TRPC4: variants seen among roughly 807,000 people sequenced by gnomAD.
TRPC4 encodes the protein transient receptor potential cation channel subfamily C member 4, also known as short transient receptor potential channel 4.
TRPC4 carries 49 observed loss-of-function variants against 99.4 expected under a neutral mutation model. The observed-to-expected ratio is 0.49, with a 90% CI of 0.39 to 0.63. The LOEUF (loss-of-function observed/expected upper bound fraction) is 0.63, where lower values mean the gene tolerates loss of function less well. Ranked by LOEUF, TRPC4 falls within the 20% of genes least tolerant of loss-of-function variation. The pLI is 0.00. For missense variants in TRPC4, 898 were observed against 1,152.9 expected (o/e 0.78, Z 3.20); for synonymous variants, 454 against 425.9 (o/e 1.07, Z -0.81).
In TRPC4 at chr13:37,639,249, A is replaced by C. The variant is rs1346043894; in HGVS notation, c.2121+9T>G. On this transcript the variant is annotated intron_variant, in intron 9 of 10. Coordinates refer to ENST00000379705, the MANE Select transcript of TRPC4 (RefSeq NM_016179.4). The stretch of plus-strand genomic sequence containing the variant: ...GAAAATTTCAAGACATAGTACAAGG[A>C]CAACTTACTTGGTATTGGTGATGTC... 3 of 1,613,524 alleles carry C rather than the reference A, an allele frequency of 1.9e-6. No homozygotes were observed. The highest frequency in any genetic ancestry group is 1.7e-6 in the Non-Finnish European group (2 of 1,179,666).
At chr13:37,853,334 A>G (rs143042254) in intron 1 of TRPC4, among the ~76,000 whole-genome samples, 108 of 152,328 alleles carry the variant, frequency 7.1e-4, no homozygotes, top group African/African-American at 2.4e-3. Flanking sequence ...GAGAATTACT[A>G]CAGATCTTAT....
chr13:37,696,767 A>G (rs567669616), intron 3 of TRPC4, among the ~76,000 whole-genome samples: 1 of 152,324 alleles, frequency 6.6e-6, no homozygotes, highest in South Asian at 2.1e-4. Flanking sequence ...TTCTTCAGCA[A>G]TTCAAAAATA....
intron 3 of TRPC4, among the ~76,000 whole-genome samples, chr13:37,703,955 G>T (rs1954186092): frequency 1.3e-5 from 2 of 152,060 alleles, no homozygotes; most frequent in Non-Finnish European, 2.9e-5. Context: ...ACTGGAACAA[G>T]CCAAATGTCC....
intron 2 of TRPC4, among the ~76,000 whole-genome samples, chr13:37,779,521 G>A (rs1009208025): frequency 7.9e-5 from 12 of 151,658 alleles, no homozygotes; most frequent in African/African-American, 2.2e-4. Flanking sequence ...CTATTTATCT[G>A]GAAAGACCTG....
chr13:37,817,118 A>C (rs2139509457), intron 1 of TRPC4, among the ~76,000 whole-genome samples: 1 of 152,210 alleles, frequency 6.6e-6, no homozygotes, highest in East Asian at 1.9e-4. Context: ...TTTAACTAGA[A>C]AACTCCATAG....
At chr13:37,817,817 A>G (rs1957901416) in intron 1 of TRPC4, among the ~76,000 whole-genome samples, 1 of 152,080 alleles carries the variant, frequency 6.6e-6, no homozygotes, top group South Asian at 2.1e-4. Flanking sequence ...TGGCACTAGG[A>G]TAATAGGCTA....
chr13:37,678,061 A>G (rs1256321766), intron 4 of TRPC4, among the ~76,000 whole-genome samples: 1 of 152,170 alleles, frequency 6.6e-6, no homozygotes, highest in East Asian at 1.9e-4. Flanking sequence ...AAGAGTTAAA[A>G]ATATTTTGAA....
rs572026157 is a variant in TRPC4 at position 37,686,422 on chromosome 13, C to CGTGT, written c.1234+5573_1234+5576dup. On this transcript the variant is annotated intron_variant, in intron 4 of 10. Coordinates refer to ENST00000379705, the MANE Select transcript of TRPC4 (RefSeq NM_016179.4). ...AAAACCATAACTGGTTATACGTATA[C>CGTGT]GTGTGTGTGTGTGTGTGTATACACA... Among the ~76,000 whole-genome samples the CGTGT allele has an allele frequency of 4.8e-3, 710 of 149,128 alleles. 6 individuals carry two copies. The highest frequency in any genetic ancestry group is 0.016 in the African/African-American group (664 of 40,752).
chr13:37,782,919 A>G (rs750871365), intron 2 of TRPC4, 37 bp downstream of exon 2: 2 of 1,424,600 alleles, frequency 1.4e-6, no homozygotes, highest in South Asian at 1.8e-5. Context: ...AACCTTCTGC[A>G]GGTAAAATAA....
intron 1 of TRPC4, among the ~76,000 whole-genome samples, chr13:37,818,276 G>A (rs1593250495): frequency 6.6e-6 from 1 of 152,062 alleles, no homozygotes; most frequent in African/African-American, 2.4e-5. Flanking sequence ...AGTTAGAATG[G>A]CAATCATTAA....
intron 7 of TRPC4, among the ~76,000 whole-genome samples, chr13:37,652,186 G>A (rs549620031): frequency 1.3e-4 from 20 of 152,350 alleles, no homozygotes; most frequent in Admixed American, 3.9e-4. Context: ...GGGACAGCCA[G>A]TCTCTTCTTA....
chr13:37,792,005 T>C (rs1041530903), intron 1 of TRPC4, among the ~76,000 whole-genome samples: 1 of 152,174 alleles, frequency 6.6e-6, no homozygotes, highest in African/African-American at 2.4e-5. Context: ...AAATTCATTC[T>C]AGGCATAATA....
chr13:37,727,154 A>G (rs548345559), intron 3 of TRPC4, among the ~76,000 whole-genome samples: 24 of 152,230 alleles, frequency 1.6e-4, no homozygotes, highest in African/African-American at 5.8e-4. Flanking sequence ...TGAACATGGG[A>G]CATTTTCAGG....
At chr13:37,812,197 C>CAAAAAAAAAAAAAAAAAA (rs1156963631) in intron 1 of TRPC4, among the ~76,000 whole-genome samples, 33 of 111,198 alleles carry the variant, frequency 3.0e-4, no homozygotes, top group East Asian at 1.6e-3. Context: ...AAAAAAAAAC[C>CAAAAAAAAAAAAAAAAAA]AGGAGATCTA....
intron 1 of TRPC4, among the ~76,000 whole-genome samples, chr13:37,825,409 T>C (rs530655406): frequency 9.2e-5 from 14 of 152,060 alleles, no homozygotes; most frequent in African/African-American, 2.9e-4. Flanking sequence ...TGTGGGCATT[T>C]AGTGCTATAA....
chr13:37,742,163 A>G (rs922663898), intron 3 of TRPC4, among the ~76,000 whole-genome samples: 2 of 152,196 alleles, frequency 1.3e-5, no homozygotes, highest in African/African-American at 4.8e-5. Context: ...TAGAAAGAAT[A>G]TATAAAATGA....
chr13:37,729,349 G>A lies in TRPC4; in HGVS notation c.897+16588C>T, dbSNP rs935589553. 8.5e-4 allele frequency among the ~76,000 whole-genome samples: 129 copies of A among 152,100 alleles called. 1 individual carries two copies. Among genetic ancestry groups the A allele is most frequent in the African/African-American group, 3.0e-3 (123 of 41,520 alleles). On this transcript the variant is annotated intron_variant, in intron 3 of 10. Transcript: ENST00000379705. The stretch of plus-strand genomic sequence containing the variant: ...TGATAACAATTGTAGGTGAGGATGT[G>A]GAGAAATGGGTACCCTCATGCAGTG...
intron 3 of TRPC4, among the ~76,000 whole-genome samples, chr13:37,718,786 G>A (rs992930752): frequency 7.2e-5 from 11 of 151,896 alleles, no homozygotes; most frequent in Non-Finnish European, 1.3e-4. Flanking sequence ...AGTATCCATG[G>A]GATAATATCA....
rs536754359 is a variant in TRPC4, at chr13:37,634,613, C to T, written c.*2290G>A. On this transcript the variant is annotated 3_prime_UTR_variant, in exon 11 of 11. Transcript: ENST00000379705. ...TTGTACTGTTATTGGTGTTGCTTGA[C>T]GGAACAGAGAGAATTTGAAATTAAA... Among the ~76,000 whole-genome samples the T allele has an allele frequency of 3.9e-5, 6 of 151,952 alleles. No homozygotes were observed. Among genetic ancestry groups the T allele is most frequent in the South Asian group, 4.1e-4 (2 of 4,822 alleles).
Sources: allele counts gnomAD v4.1 joint callset (sites outside exome capture counted in the v4.1 genomes callset), GRCh38; gene constraint gnomAD v4.1.1; transcripts MANE v1.5; gene names NCBI Gene and HGNC (gene_info 2026-07-23, HGNC 2026-07-21).